NDUFAF6: variants seen among roughly 807,000 people sequenced by gnomAD.
NDUFAF6 encodes NADH dehydrogenase (ubiquinone) complex I, assembly factor 6.
In NDUFAF6, 45 loss-of-function variants were observed where a neutral mutation model predicts 40.8. The observed-to-expected ratio is 1.10, with a 90% CI of 0.87 to 1.42. The LOEUF (loss-of-function observed/expected upper bound fraction) is 1.42. Among genes scored for constraint, NDUFAF6 ranks in the 40% most tolerant of loss-of-function variants. NDUFAF6 has a pLI of 0.00. For synonymous variants in NDUFAF6, 185 were observed against 155.9 expected (o/e 1.19, Z -1.39); for missense variants, 435 against 418.5 (o/e 1.04, Z -0.34).
At chr8:95,089,051 C>T (rs1809158025) in intron 2 of NDUFAF6, among the ~76,000 whole-genome samples, 5 of 151,852 alleles carry the variant, frequency 3.3e-5, no homozygotes, top group African/African-American at 9.7e-5. Flanking sequence ...CATGAGCCAC[C>T]GCGCCCAGCC....
intron 4 of NDUFAF6, among the ~76,000 whole-genome samples, chr8:95,109,746 C>A (rs976319017): frequency 6.6e-6 from 1 of 152,080 alleles, no homozygotes; most frequent in Non-Finnish European, 1.5e-5. Flanking sequence ...CTTATAAGGA[C>A]CTTTGTGATT....
intron 1 of NDUFAF6, among the ~76,000 whole-genome samples, chr8:94,967,976 C>T (rs1824155533): frequency 6.6e-6 from 1 of 151,022 alleles, no homozygotes; most frequent in Non-Finnish European, 1.5e-5. Flanking sequence ...GGGCTACAGT[C>T]ATCTTAAGGC....
intron 1 of NDUFAF6, among the ~76,000 whole-genome samples, chr8:94,961,700 G>A (rs1273499982): frequency 6.6e-6 from 1 of 152,160 alleles, no homozygotes; most frequent in Non-Finnish European, 1.5e-5. Flanking sequence ...TGATATTACA[G>A]GCATGAGCCA....
chr8:94,935,960 A>G (rs1820935859), intron 1 of NDUFAF6, among the ~76,000 whole-genome samples: 1 of 152,328 alleles, frequency 6.6e-6, no homozygotes, highest in African/African-American at 2.4e-5. Context: ...GACCAACAGC[A>G]CTGCCCAGGC....
intron 2 of NDUFAF6, among the ~76,000 whole-genome samples, chr8:95,089,480 G>C (rs985540630): frequency 4.7e-5 from 7 of 149,968 alleles, no homozygotes; most frequent in Non-Finnish European, 1.0e-4. Context: ...ATATATAAAA[G>C]GGAGAGGACA....
chr8:94,974,437 C>T (rs1824754126), intron 1 of NDUFAF6: 1 of 152,136 alleles, frequency 6.6e-6, no homozygotes, highest in African/African-American at 2.4e-5. Flanking sequence ...TTTCCAATCT[C>T]TTCTCTTCCT....
intron 1 of NDUFAF6, among the ~76,000 whole-genome samples, chr8:94,960,167 G>T (rs915887620): frequency 6.6e-6 from 1 of 151,800 alleles, no homozygotes; most frequent in African/African-American, 2.4e-5. Context: ...TCTTTTTTTT[G>T]GTAGCAGCTT....
chr8:95,108,341 G>A (rs1013816639), downstream of NDUFAF6, among the ~76,000 whole-genome samples: 11 of 151,926 alleles, frequency 7.2e-5, no homozygotes, highest in Non-Finnish European at 1.5e-4. Context: ...AATAAAGTGT[G>A]GTACATACAT....
At chr8:95,082,321 TAAAAA>T (rs1165128546) in intron 2 of NDUFAF6, among the ~76,000 whole-genome samples, 1 of 151,690 alleles carries the variant, frequency 6.6e-6, no homozygotes, top group Non-Finnish European at 1.5e-5. Context: ...ATTAAAAAAA[TAAAAA>T]AGAAAAACTA....
intron 1 of NDUFAF6, among the ~76,000 whole-genome samples, chr8:94,944,148 A>G (rs553921931): frequency 1.3e-5 from 2 of 152,236 alleles, no homozygotes; most frequent in Non-Finnish European, 2.9e-5. Flanking sequence ...TTGAGAGAAT[A>G]AGCCCAATTC....
At chr8:94,967,443 G>A (rs1824095663) in intron 1 of NDUFAF6, among the ~76,000 whole-genome samples, 1 of 152,296 alleles carries the variant, frequency 6.6e-6, no homozygotes, top group Non-Finnish European at 1.5e-5. Context: ...AAATATTTCT[G>A]AGTACCTACT....
exon 10 of NDUFAF6, chr8:95,075,808 C>A: frequency 2.9e-6 from 2 of 701,436 alleles, no homozygotes; most frequent in African/African-American, 1.8e-5. Context: ...TCTTGCTTCA[C>A]TCGAACACGC....
chr8:95,078,662 A>ATATATATATATATAT (rs1554689343), downstream of NDUFAF6: 27 of 121,034 alleles, frequency 2.2e-4, no homozygotes, highest in African/African-American at 8.5e-4. Flanking sequence ...AAAAAAAAAA[A>ATATATATATATATAT]ATATATATAT....
At chr8:95,032,244 C>A in intron 2 of NDUFAF6, 150 bp downstream of exon 2, 1 of 698,716 alleles carries the variant, frequency 1.4e-6, no homozygotes, top group Non-Finnish European at 2.5e-6. Flanking sequence ...ACTGTTTAGG[C>A]TTAGTAATTC....
intron 1 of NDUFAF6, among the ~76,000 whole-genome samples, chr8:94,935,119 G>GTAGATAGATA (rs959014582): frequency 4.5e-4 from 52 of 115,842 alleles, no homozygotes; most frequent in African/African-American, 1.8e-3. Context: ...AGGTACATAG[G>GTAGATAGATA]TAGATAGATA....
intron 1 of NDUFAF6, among the ~76,000 whole-genome samples, chr8:95,030,355 A>T (rs757017330): frequency 1.3e-5 from 2 of 152,144 alleles, no homozygotes; most frequent in African/African-American, 2.4e-5. Context: ...CTTCCTAAGT[A>T]GCTAGGACCA....
chr8:95,025,346 G>A, intron 1 of NDUFAF6, 141 bp downstream of exon 1: 1 of 847,584 alleles, frequency 1.2e-6, no homozygotes, highest in Non-Finnish European at 1.6e-6. Context: ...TCTAGTGGGC[G>A]TCGGGTGCGG....
intron 8 of NDUFAF6, among the ~76,000 whole-genome samples, chr8:95,054,931 A>G (rs1316942757): frequency 6.6e-6 from 1 of 152,262 alleles, no homozygotes; most frequent in Non-Finnish European, 1.5e-5. Flanking sequence ...TGACTAATCT[A>G]GGTATGGTAT....
chr8:94,948,546 G>A lies in NDUFAF6; in HGVS notation c.-799+2927G>A, dbSNP rs181090585. 4.9e-3 allele frequency among the ~76,000 whole-genome samples: 753 copies of A among 152,290 alleles called. 29 individuals are homozygous for A. The highest frequency in any genetic ancestry group is 0.045 in the Admixed American group (691 of 15,300). On this transcript the variant is annotated intron_variant, in intron 2 of 14. Transcript: ENST00000396113. ...GGCCGCGGACAGGCGGGGGCCGGTG[G>A]CCGGGTCACGGAGCAGGTTCCCCAT...
Sources: gnomAD v4.1 joint callset for allele counts (sites outside exome capture counted in the v4.1 genomes callset) on GRCh38, gnomAD v4.1.1 for gene constraint, MANE v1.5 for transcripts, NCBI Gene and HGNC (gene_info 2026-07-23, HGNC 2026-07-21) for gene names.